The following RARA variants were observed in gnomAD, a reference collection of about 807,000 sequenced individuals.
The protein encoded by RARA is retinoic acid receptor alpha, also known as PML-DDX5-RARA fusion.
A neutral mutation model predicts 42.8 loss-of-function variants in RARA; 5 were observed. That is an observed-to-expected ratio of 0.12 (90% CI 0.06 to 0.25). The LOEUF is 0.25. Ranked by LOEUF, RARA falls within the 10% of genes least tolerant of loss-of-function variation. RARA has a pLI of 1.00. For missense variants in RARA, 402 were observed against 628.7 expected (o/e 0.64, Z 3.86); for synonymous variants, 256 against 259.5 (o/e 0.99, Z 0.13).
chr17:40,349,094 C>T (rs556355497), intron 3 of RARA: 1 of 155,430 alleles, frequency 6.4e-6, no homozygotes, highest in African/African-American at 2.4e-5. Flanking sequence ...CAGCTCTGGG[C>T]TGCTCTTCAG....
Position 40,357,529 on chromosome 17 carries a change from C to G in RARA, c.*1303C>G. 1.3e-5 allele frequency: 3 copies of G among 232,644 alleles called. No individual in the cohort carries two copies. Among genetic ancestry groups the G allele is most frequent in the Non-Finnish European group, 2.5e-5 (3 of 117,688 alleles). The allele number at this position is 232,644 out of a possible 1,614,324, so 14.4% of individuals were successfully genotyped here. On this transcript the variant is annotated 3_prime_UTR_variant, in exon 9 of 9. Transcript: ENST00000254066. ...CCAGCTGGGGGAGCTGGCTCTGCCC[C>G]GACCTCCTTCACCAGGGGTTGGGGC... is the stretch of plus-strand genomic sequence containing the variant.
chr17:40,332,829 G>C (rs998890887), intron 2 of RARA, among the ~76,000 whole-genome samples: 4 of 152,216 alleles, frequency 2.6e-5, no homozygotes, highest in Non-Finnish European at 5.9e-5. Context: ...AGGAGTATGG[G>C]ATGGATGGAG....
chr17:40,347,590 G>C (rs1391463891), intron 2 of RARA, among the ~76,000 whole-genome samples: 1 of 152,154 alleles, frequency 6.6e-6, no homozygotes, highest in Non-Finnish European at 1.5e-5. Flanking sequence ...GCATTGATGG[G>C]AACAGACCCC....
chr17:40,340,319 G>C (rs567981343), intron 2 of RARA, among the ~76,000 whole-genome samples: 1 of 152,104 alleles, frequency 6.6e-6, no homozygotes, highest in African/African-American at 2.4e-5. Context: ...CTGTAAATCT[G>C]ATCTTTCCTT....
Position 40,354,651 on chromosome 17 carries a change from G to A in RARA, c.1012+145G>A. The A allele has an allele frequency of 1.9e-6, 2 of 1,041,424 alleles. No homozygotes were observed. Among genetic ancestry groups the A allele is most frequent in the Non-Finnish European group, 1.4e-6 (1 of 733,156 alleles). 64.5% of individuals were successfully genotyped at this position (1,041,424 alleles called of 1,614,324 possible). On this transcript the variant is annotated intron_variant, in intron 7 of 8. Transcript: ENST00000254066. The surrounding 1 kb of genome is among the most constrained non-coding windows in gnomAD (Gnocchi z 4.5). ...TGCAACTACACAGCAAGGGGGCCAT[G>A]TGGGGCCTGGACTCCTGTTCCCGAT...
rs776288955 is a variant in RARA, at chr17:40,352,084, C to T, written c.630+14C>T. 6.5e-7 allele frequency: 1 copy of T among 1,549,058 alleles called. No individual in the cohort carries two copies. The highest frequency in any genetic ancestry group is 1.2e-5 in the South Asian group (1 of 81,730). ...AAATACACTACGGTATGGCTTTCCCCCGGCCTGCAGGGTGGGATTTGCCCA... is the reference window on the plus strand; with the variant it reads ...AAATACACTACGGTATGGCTTTCCCTCGGCCTGCAGGGTGGGATTTGCCCA... On this transcript the variant is annotated intron_variant, in intron 5 of 8. Transcript: ENST00000254066. This position sits in a 1 kb window ranked among gnomAD's most constrained non-coding sequence, Gnocchi z 4.9.
intron 2 of RARA, among the ~76,000 whole-genome samples, chr17:40,331,870 C>A (rs1169999906): frequency 6.6e-6 from 1 of 152,166 alleles, no homozygotes; most frequent in Non-Finnish European, 1.5e-5. Flanking sequence ...CTGGCTGGAA[C>A]CCCACCTCTC....
At position 40,326,313 on chromosome 17, in the gene RARA, G is replaced by A. The variant is rs372326111; in HGVS notation, c.-362-4544G>A. Among the ~76,000 whole-genome samples the A allele has an allele frequency of 5.9e-5, 9 of 152,232 alleles. No individual in the cohort carries two copies. Among genetic ancestry groups the A allele is most frequent in the South Asian group, 2.1e-4 (1 of 4,834 alleles). On this transcript the variant is annotated intron_variant, in intron 1 of 8. Coordinates refer to ENST00000254066, the MANE Select transcript of RARA (RefSeq NM_000964.4). This position sits in a 1 kb window ranked among gnomAD's most constrained non-coding sequence, Gnocchi z 5.2. ...CTTCCTGTCTGAAATCGCACAGCTC[G>A]TTGTTGAGGTAGGCAGTTCACAGGC... is the stretch of plus-strand genomic sequence containing the variant.
chr17:40,341,794 G>A (rs1005086201), intron 2 of RARA: 136 of 1,258,674 alleles, frequency 1.1e-4, no homozygotes, highest in Non-Finnish European at 1.3e-4. Flanking sequence ...CTCGGCCAGG[G>A]ACTGACCAAA....
intron 1 of RARA, among the ~76,000 whole-genome samples, chr17:40,315,171 T>TACACACACACACACAC (rs71355449): frequency 1.4e-4 from 11 of 76,560 alleles, no homozygotes; most frequent in African/African-American, 6.5e-4. Flanking sequence ...TATATATATA[T>TACACACACACACACAC]ACACACACAC....
At position 40,333,499 on chromosome 17, in the gene RARA, A is replaced by AT. The variant is rs545060448; in HGVS notation, c.178+2111dup. Among the ~76,000 whole-genome samples the AT allele has an allele frequency of 4.7e-3, 710 of 150,230 alleles. 4 individuals are homozygous for AT. Among genetic ancestry groups the AT allele is most frequent in the African/African-American group, 0.017 (680 of 40,664 alleles). On this transcript the variant is annotated intron_variant, in intron 2 of 8. Transcript: ENST00000254066. Reference sequence around the variant, plus strand: ...AGGTGCGTGTCACCACACCTAGCTAATTTTTTTTGTATTTTTAGTAGAGAT... The same window carrying AT: ...AGGTGCGTGTCACCACACCTAGCTAATTTTTTTTTGTATTTTTAGTAGAGAT...
intron 2 of RARA, chr17:40,342,249 GA>G: frequency 9.5e-7 from 1 of 1,057,150 alleles, no homozygotes; most frequent in Non-Finnish European, 1.1e-6. Flanking sequence ...CCCCCACCCG[GA>G]ATCCTCGCCA....
At chr17:40,339,302 C>A (rs1352138328) in intron 2 of RARA, among the ~76,000 whole-genome samples, 1 of 152,208 alleles carries the variant, frequency 6.6e-6, no homozygotes, top group Non-Finnish European at 1.5e-5. Flanking sequence ...CCCTGCCTGG[C>A]ACAAGTGGGG....
intron 4 of RARA, chr17:40,350,145 C>T (rs181435418): frequency 1.1e-4 from 65 of 602,658 alleles, no homozygotes; most frequent in African/African-American, 8.9e-4. Context: ...GCTCCGGGAC[C>T]GTGTATGTGT....
chr17:40,313,713 G>A (rs1238319002), intron 1 of RARA, among the ~76,000 whole-genome samples: 6 of 151,992 alleles, frequency 3.9e-5, no homozygotes, highest in Admixed American at 1.3e-4. Context: ...CTATTCCTCT[G>A]CTGCCCACCC....
At chr17:40,324,931 A>T (rs1212714844) in intron 1 of RARA, among the ~76,000 whole-genome samples, 1 of 152,084 alleles carries the variant, frequency 6.6e-6, no homozygotes, top group Non-Finnish European at 1.5e-5. Flanking sequence ...ATCCTTCTCC[A>T]GCCCTCCTAG....
Position 40,352,216 on chromosome 17 carries a change from C to CTT in RARA, c.631-115_631-114insTT. 6.7e-7 allele frequency: 1 copy of CTT among 1,500,670 alleles called. No homozygotes were observed. Among genetic ancestry groups the CTT allele is most frequent in the Non-Finnish European group, 8.8e-7 (1 of 1,131,252 alleles). The allele number at this position is 1,500,670 out of a possible 1,614,324, so 93.0% of individuals were successfully genotyped here. On this transcript the variant is annotated intron_variant, in intron 5 of 8. Transcript: ENST00000254066. The surrounding 1 kb of genome is among the most constrained non-coding windows in gnomAD (Gnocchi z 4.9). ...CTTCTCCCTCCTCCTGCTGCCTCTTCCCAAGGAGCTCCCAGGAAGTGAAGG... is the reference window on the plus strand; with the variant it reads ...CTTCTCCCTCCTCCTGCTGCCTCTTCTTCCAAGGAGCTCCCAGGAAGTGAAGG...
chr17:40,351,769 T>C lies in RARA; in HGVS notation c.470-141T>C, dbSNP rs2034460089. 1 of 1,143,606 alleles carries C rather than the reference T, an allele frequency of 8.7e-7. No individual in the cohort carries two copies. The allele number at this position is 1,143,606 out of a possible 1,614,324, so 70.8% of individuals were successfully genotyped here. A position where few individuals can be genotyped will look rare whatever the true frequency, so the allele number is the denominator to read the frequency against. ...CTGGAGTGCGTGGCAATGCCTTGCC[T>C]GCCCGTGAACGCGTGCTGTGTGCGC... is the stretch of plus-strand genomic sequence containing the variant. On this transcript the variant is annotated intron_variant, in intron 4 of 8. Transcript: ENST00000254066. The surrounding 1 kb of genome is among the most constrained non-coding windows in gnomAD (Gnocchi z 4.1).
chr17:40,322,791 C>T (rs2033428020), intron 1 of RARA, among the ~76,000 whole-genome samples: 1 of 152,070 alleles, frequency 6.6e-6, no homozygotes, highest in African/African-American at 2.4e-5. Context: ...GTCCTGTGAC[C>T]CACTGTGCAG....
Sources: gnomAD v4.1 joint callset for allele counts (sites outside exome capture counted in the v4.1 genomes callset) on GRCh38, gnomAD v4.1.1 for gene constraint, Gnocchi (gnomAD v3.1) non-coding constraint, MANE v1.5 for transcripts, NCBI Gene and HGNC (gene_info 2026-07-23, HGNC 2026-07-21) for gene names.